Variants in PTPN4 observed in about 807,000 individuals in gnomAD.
The protein encoded by PTPN4 is tyrosine-protein phosphatase non-receptor type 4.
A neutral mutation model predicts 135.5 loss-of-function variants in PTPN4; 49 were observed. That is an observed-to-expected ratio of 0.36 (90% CI 0.29 to 0.46). The LOEUF (loss-of-function observed/expected upper bound fraction) is 0.46, where lower values mean the gene tolerates loss of function less well. Among genes scored for constraint, PTPN4 ranks in the 20% least tolerant of loss-of-function variants. PTPN4 has a pLI of 1.00. For missense variants in PTPN4, 860 were observed against 1,101.0 expected (o/e 0.78, Z 3.10); for synonymous variants, 333 against 369.9 (o/e 0.90, Z 1.14).
intron 2 of PTPN4, among the ~76,000 whole-genome samples, chr2:119,831,480 G>T (rs930043976): frequency 6.6e-6 from 1 of 152,140 alleles, no homozygotes; most frequent in African/African-American, 2.4e-5. Context: ...TTGTCTTATA[G>T]GTTCGTAGAA....
intron 2 of PTPN4, among the ~76,000 whole-genome samples, chr2:119,837,634 T>C (rs754689173): frequency 1.3e-5 from 2 of 152,204 alleles, no homozygotes; most frequent in Non-Finnish European, 2.9e-5. Flanking sequence ...GCTCGCCATG[T>C]TGTGGGCAAC....
chr2:119,955,245 GGAT>G lies in PTPN4; in HGVS notation c.1905_1907del (p.Asp636del), dbSNP rs1305254211. 1 of 1,613,656 alleles carries G rather than the reference GGAT, an allele frequency of 6.2e-7. No individual in the cohort carries two copies. Among genetic ancestry groups the G allele is most frequent in the East Asian group, 2.2e-5 (1 of 44,874 alleles). On this transcript the variant is annotated inframe_deletion, in exon 20 of 27. Transcript: ENST00000263708. ...AAGCCCCACTAGATAGTGTGCATCAGGATGACCATTCCCTGCGGGAGTCAATGA... is the reference window on the plus strand; with the variant it reads ...AAGCCCCACTAGATAGTGTGCATCAGGACCATTCCCTGCGGGAGTCAATGA...
intron 2 of PTPN4, among the ~76,000 whole-genome samples, chr2:119,825,777 T>G (rs1346840268): frequency 6.6e-6 from 1 of 152,038 alleles, no homozygotes; most frequent in East Asian, 1.9e-4. Context: ...ATTACAGGTG[T>G]GAGCCACCAC....
chr2:119,961,046 T>C (rs920643523), intron 23 of PTPN4, 93 bp downstream of exon 23: 3 of 1,358,018 alleles, frequency 2.2e-6, no homozygotes, highest in Non-Finnish European at 2.9e-6. Flanking sequence ...TTTAAGCCTT[T>C]GTAACCTTTA....
intron 1 of PTPN4, among the ~76,000 whole-genome samples, chr2:119,775,507 AC>A (rs1411442667): frequency 6.6e-6 from 1 of 152,228 alleles, no homozygotes; most frequent in African/African-American, 2.4e-5. Context: ...TCTTCCAAAC[AC>A]AACATTTCTA....
chr2:119,775,096 GAAAAAAAAAAA>G (rs35234122), intron 1 of PTPN4, among the ~76,000 whole-genome samples: 5 of 66,742 alleles, frequency 7.5e-5, no homozygotes, highest in South Asian at 5.1e-4. Flanking sequence ...GCCCTATTCT[GAAAAAAAAAAA>G]AAAAAAAAAA....
At chr2:119,889,385 A>G (rs960308791) in intron 9 of PTPN4, among the ~76,000 whole-genome samples, 5 of 152,086 alleles carry the variant, frequency 3.3e-5, no homozygotes, top group African/African-American at 1.2e-4. Context: ...GCGCCACTGC[A>G]CTCCAGCCTG....
At chr2:119,832,869 A>G (rs949679889) in intron 2 of PTPN4, among the ~76,000 whole-genome samples, 1 of 152,162 alleles carries the variant, frequency 6.6e-6, no homozygotes, top group Non-Finnish European at 1.5e-5. Context: ...TTAGAATCAT[A>G]AGACTAACTG....
chr2:119,880,749 T>C lies in PTPN4; in HGVS notation c.369-1037T>C, dbSNP rs193187651. ...AAACAGGCCTGATAGAAATATACTGTCTTGGATTGAGTAAATAGATTATAT... is the reference window on the plus strand; with the variant it reads ...AAACAGGCCTGATAGAAATATACTGCCTTGGATTGAGTAAATAGATTATAT... On this transcript the variant is annotated intron_variant, in intron 5 of 26. Transcript: ENST00000263708. Among the ~76,000 whole-genome samples the C allele has an allele frequency of 3.5e-3, 535 of 152,164 alleles. 2 individuals are homozygous for C. The highest frequency in any genetic ancestry group is 5.7e-3 in the Non-Finnish European group (385 of 67,994).
At chr2:119,965,726 T>C (rs759770505) in intron 25 of PTPN4, 81 bp downstream of exon 25, 7 of 1,458,890 alleles carry the variant, frequency 4.8e-6, no homozygotes, top group South Asian at 2.7e-5. Flanking sequence ...TTTGTCCTTA[T>C]GGTGTTATTG....
chr2:119,869,667 G>A (rs1677881297), intron 3 of PTPN4, among the ~76,000 whole-genome samples: 1 of 152,114 alleles, frequency 6.6e-6, no homozygotes, highest in South Asian at 2.1e-4. Flanking sequence ...GGCAAAGATT[G>A]CTAATATATA....
At chr2:119,961,004 C>T (rs376838544) in intron 23 of PTPN4, 51 bp downstream of exon 23, 10 of 1,561,058 alleles carry the variant, frequency 6.4e-6, no homozygotes, top group Non-Finnish European at 7.8e-6. Flanking sequence ...TCAAATTATA[C>T]TGCACATATG....
chr2:119,943,787 C>T (rs1376214083), intron 15 of PTPN4, among the ~76,000 whole-genome samples: 6 of 151,676 alleles, frequency 4.0e-5, no homozygotes, highest in Admixed American at 3.9e-4. Context: ...CAGGGTTTCA[C>T]CATGTTAGCC....
At chr2:119,976,539 C>A (rs1679620923) in intron 26 of PTPN4, among the ~76,000 whole-genome samples, 1 of 152,088 alleles carries the variant, frequency 6.6e-6, no homozygotes, top group Admixed American at 6.6e-5. Flanking sequence ...GTACAGTAGT[C>A]ACCTGGTCCC....
intron 15 of PTPN4, among the ~76,000 whole-genome samples, chr2:119,938,977 T>C (rs1056217938): frequency 1.3e-5 from 2 of 152,248 alleles, no homozygotes; most frequent in Non-Finnish European, 2.9e-5. Flanking sequence ...GTTTAAAACG[T>C]GGTTCCACTA....
chr2:119,819,104 C>G (rs995366372), intron 2 of PTPN4, among the ~76,000 whole-genome samples: 2 of 152,176 alleles, frequency 1.3e-5, no homozygotes, highest in African/African-American at 4.8e-5. Flanking sequence ...ATAGCAACCC[C>G]AAACATTAAT....
chr2:119,917,218 C>T (rs1039573788), intron 11 of PTPN4, among the ~76,000 whole-genome samples: 2 of 152,192 alleles, frequency 1.3e-5, no homozygotes, highest in African/African-American at 2.4e-5. Context: ...AATCCTCACT[C>T]TCATTTTCTG....
chr2:119,842,924 T>C (rs974649118), intron 2 of PTPN4, among the ~76,000 whole-genome samples: 1 of 152,208 alleles, frequency 6.6e-6, no homozygotes, highest in Non-Finnish European at 1.5e-5. Context: ...ATGTAACAAT[T>C]ATCAAAATAC....
At chr2:119,859,543 C>T (rs1034398671) in intron 2 of PTPN4, among the ~76,000 whole-genome samples, 20 of 152,172 alleles carry the variant, frequency 1.3e-4, no homozygotes, top group African/African-American at 4.8e-4. Flanking sequence ...TCTTCTTCCT[C>T]CTGTCTGTTT....
Sources: gnomAD v4.1 joint callset for allele counts (sites outside exome capture counted in the v4.1 genomes callset) on GRCh38, gnomAD v4.1.1 for gene constraint, MANE v1.5 for transcripts, NCBI Gene and HGNC (gene_info 2026-07-23, HGNC 2026-07-21) for gene names.